Variants in CHD6 observed in about 807,000 individuals in gnomAD.
The protein encoded by CHD6 is ATP-dependent chromatin remodeler CHD6.
In CHD6, 50 loss-of-function variants were observed where a neutral mutation model predicts 276.9. The observed-to-expected ratio is 0.18, with a 90% CI of 0.14 to 0.23. The LOEUF is 0.23. Ranked by LOEUF, CHD6 falls within the 10% of genes least tolerant of loss-of-function variation. The pLI, the probability that CHD6 is intolerant of heterozygous loss-of-function variation, is 1.00. For missense variants in CHD6, 2,564 were observed against 3,365.8 expected, an observed-to-expected ratio of 0.76 and a Z score of 5.89; for synonymous variants, 1,173 against 1,229.3, an observed-to-expected ratio of 0.95 and a Z score of 0.96.
At chr20:41,460,046 C>A (rs2048496371) in intron 17 of CHD6, among the ~76,000 whole-genome samples, 1 of 152,212 alleles carries the variant, frequency 6.6e-6, no homozygotes, top group Non-Finnish European at 1.5e-5. Flanking sequence ...TTGTTGGGAA[C>A]TAGAGCAAAC....
rs572418298 is a variant in CHD6, at chr20:41,404,762, GTCT to G, written c.7976_7978del (p.Lys2659del). ...GTGGGAGTTGGGGTTGTCCCCCTTT[GTCT>G]TCTTCTTCTTCCTCTTCTGGCTCTC... On this transcript the variant is annotated inframe_deletion, in exon 37 of 37. Coordinates refer to ENST00000373233, the MANE Select transcript of CHD6 (RefSeq NM_032221.5). The G allele has an allele frequency of 5.4e-5, 87 of 1,607,224 alleles. No individual in the cohort carries two copies. Among genetic ancestry groups the G allele is most frequent in the African/African-American group, 3.1e-4 (23 of 74,752 alleles).
chr20:41,567,257 C>G (rs2045365721), intron 1 of CHD6, among the ~76,000 whole-genome samples: 3 of 152,180 alleles, frequency 2.0e-5, no homozygotes, highest in Admixed American at 6.5e-5. Flanking sequence ...AGTGCCTTAA[C>G]CAGTAAGCAC....
chr20:41,404,583 G>T lies in CHD6; in HGVS notation c.*10C>A. 1 of 1,469,118 alleles carries T rather than the reference G, an allele frequency of 6.8e-7. No individual in the cohort carries two copies. The highest frequency in any genetic ancestry group is 9.0e-7 in the Non-Finnish European group (1 of 1,107,758). The allele number at this position is 1,469,118 out of a possible 1,614,324, so 91.0% of individuals were successfully genotyped here. A position where few individuals can be genotyped will look rare whatever the true frequency, so the allele number is the denominator to read the frequency against. On this transcript the variant is annotated 3_prime_UTR_variant, in exon 37 of 37. Transcript: ENST00000373233. Reference sequence around the variant, plus strand: ...TACAAGTCACAATAATTTCTTAAATGAAAAAAGTTCTAATTGGTGTCGTTG... The same window carrying T: ...TACAAGTCACAATAATTTCTTAAATTAAAAAAGTTCTAATTGGTGTCGTTG...
intron 1 of CHD6, among the ~76,000 whole-genome samples, chr20:41,591,992 A>G (rs905474795): frequency 1.3e-5 from 2 of 151,560 alleles, no homozygotes; most frequent in Admixed American, 1.3e-4. Context: ...CCAGCTACTC[A>G]GGAGGCAGAG....
chr20:41,578,908 T>A (rs1437405167), intron 1 of CHD6, among the ~76,000 whole-genome samples: 2 of 151,024 alleles, frequency 1.3e-5, no homozygotes, highest in Admixed American at 1.3e-4. Context: ...GGCAGGTGGA[T>A]CACCTGAGGT....
In CHD6 at chr20:41,497,160, C is replaced by T. The variant is rs539080437; in HGVS notation, c.1092+224G>A. The T allele has an allele frequency of 1.6e-4, 80 of 500,184 alleles. No homozygotes were observed. The Admixed American group carries it at 1.9e-3, about 12-fold the overall frequency. 31.0% of individuals were successfully genotyped at this position (500,184 alleles called of 1,614,324 possible). On this transcript the variant is annotated intron_variant, in intron 8 of 36. Coordinates refer to ENST00000373233, the MANE Select transcript of CHD6 (RefSeq NM_032221.5). The stretch of plus-strand genomic sequence containing the variant: ...TTATTAGTATTCAGACCAAGATGCA[C>T]GCCGTTATGAGTTGTCAGTTTATAA...
At chr20:41,479,777 A>T (rs997021489) in intron 16 of CHD6, among the ~76,000 whole-genome samples, 1 of 152,236 alleles carries the variant, frequency 6.6e-6, no homozygotes, top group Non-Finnish European at 1.5e-5. Flanking sequence ...ATTCCCCAGC[A>T]TCTGAACTTA....
rs202194305 is a variant in CHD6 at position 41,483,312 on chromosome 20, C to T, written c.2465G>A (p.Arg822Lys). ...AGAGCTTTGACACAAGTCTCACCTT[C>T]TCTGGATGAGGTAATCTTCTAGGAT... ...LDILEDYLIQ[R>K]RYTYERIDGR... The change falls in exon 16 of 37, where the codon AGA becomes AAA. Residue 822 changes from arginine to lysine, a missense_variant. Coordinates refer to ENST00000373233, the MANE Select transcript of CHD6 (RefSeq NM_032221.5). The T allele has an allele frequency of 3.7e-6, 6 of 1,610,658 alleles. No individual in the cohort carries two copies. Among genetic ancestry groups the T allele is most frequent in the Non-Finnish European group, 5.1e-6 (6 of 1,178,660 alleles).
rs1423770990 is a variant in CHD6 at position 41,404,981 on chromosome 20, T to C, written c.7760A>G (p.Lys2587Arg). Residue 2587 changes from lysine to arginine, a missense_variant, in exon 37 of 37, where the codon AAG becomes AGG. This residue lies in a region of CHD6 where 238 missense variants were observed against 266.0 expected (regional missense o/e 0.89). Transcript: ENST00000373233. ...ATCAGAAAATGGACCTGGACCAGGC[T>C]TGTCCTCAGCTAAAGTGTCTGTTTT... ...DVKTDTLAED[K>R]PGPGPFSDQS... The C allele has an allele frequency of 1.1e-5, 17 of 1,614,230 alleles. No individual in the cohort carries two copies. Among genetic ancestry groups the C allele is most frequent in the Non-Finnish European group, 1.4e-5 (16 of 1,180,044 alleles).
chr20:41,589,447 G>A (rs58589947), intron 1 of CHD6, among the ~76,000 whole-genome samples: 18,610 of 152,132 alleles, frequency 0.12, 2,355 homozygotes, highest in East Asian at 0.31. Flanking sequence ...TGCAGATGAC[G>A]TGATTGTATA....
Position 41,412,183 on chromosome 20 carries a change from T to C in CHD6, c.7212A>G (p.Glu2404=), listed in dbSNP as rs1340983451. The C allele has an allele frequency of 1.9e-6, 3 of 1,614,216 alleles. No individual in the cohort carries two copies. Among genetic ancestry groups the C allele is most frequent in the Admixed American group, 3.3e-5 (2 of 60,032 alleles). The change falls in exon 36 of 37, where the codon GAA becomes GAG. Residue 2404 remains glutamate (E), a synonymous_variant. Transcript: ENST00000373233. Reference sequence around the variant, plus strand: ...CCTTGGGGATGGCAGGAACTCTCTCTTCCCCGCTCAGGGAGCTGACATCTA... The same window carrying C: ...CCTTGGGGATGGCAGGAACTCTCTCCTCCCCGCTCAGGGAGCTGACATCTA... The part of the protein sequence containing the change: ...GKLDVSSLSG[E]ERVPAIPKEP...
intron 1 of CHD6, among the ~76,000 whole-genome samples, chr20:41,583,682 G>C (rs887773111): frequency 6.6e-6 from 1 of 152,064 alleles, no homozygotes; most frequent in East Asian, 1.9e-4. Context: ...AGCAAAAACA[G>C]TAGCAGTGTA....
At chr20:41,491,857 G>A in intron 10 of CHD6, 38 bp from the exon 11 acceptor site, 1 of 1,610,728 alleles carries the variant, frequency 6.2e-7, no homozygotes, top group Non-Finnish European at 8.5e-7. Flanking sequence ...GATAGAGAAT[G>A]ATGTTTTAGG....
intron 1 of CHD6, among the ~76,000 whole-genome samples, chr20:41,564,534 A>C (rs559661570): frequency 6.6e-6 from 1 of 152,216 alleles, no homozygotes; most frequent in East Asian, 1.9e-4. Flanking sequence ...AGGGTCAACT[A>C]TAAAGAGAAT....
chr20:41,580,566 A>G (rs1021315694), intron 1 of CHD6, among the ~76,000 whole-genome samples: 1 of 149,816 alleles, frequency 6.7e-6, no homozygotes, highest in African/African-American at 2.5e-5. Flanking sequence ...AGGCTGAGAC[A>G]GGAGGATTAC....
chr20:41,617,653 T>C (rs773486648), intron 1 of CHD6, among the ~76,000 whole-genome samples: 1 of 152,068 alleles, frequency 6.6e-6, no homozygotes, highest in Non-Finnish European at 1.5e-5. Context: ...TGCGATCTAA[T>C]AATGCACAAA....
intron 34 of CHD6, chr20:41,413,750 T>A: frequency 2.7e-6 from 1 of 375,822 alleles, no homozygotes; most frequent in Non-Finnish European, 4.8e-6. Flanking sequence ...TCTTGTCCAC[T>A]TGGTACACTT....
At chr20:41,519,911 T>C (rs959845125) in intron 3 of CHD6, among the ~76,000 whole-genome samples, 38 of 152,104 alleles carry the variant, frequency 2.5e-4, no homozygotes, top group Admixed American at 4.6e-4. Context: ...AGAAAATTCT[T>C]GCAATCTACT....
chr20:41,617,566 G>A (rs2045945260), intron 1 of CHD6, among the ~76,000 whole-genome samples: 1 of 152,220 alleles, frequency 6.6e-6, no homozygotes, highest in African/African-American at 2.4e-5. Flanking sequence ...GGGCGCAACG[G>A]ACTCCGTTAC....
Sources: gnomAD v4.1 joint callset for allele counts (sites outside exome capture counted in the v4.1 genomes callset) on GRCh38, gnomAD v4.1.1 for gene constraint, gnomAD v4.1.1 regional missense constraint, MANE v1.5 for transcripts, NCBI Gene and HGNC (gene_info 2026-07-23, HGNC 2026-07-21) for gene names.